Variants in HNRNPA1L2 observed in about 807,000 individuals in gnomAD.
HNRNPA1L2 encodes heterogeneous nuclear ribonucleoprotein A1-like 2.
Under a neutral mutation model 18.2 loss-of-function variants are expected in HNRNPA1L2, and 10 were observed. That is an observed-to-expected ratio of 0.55 (90% CI 0.34 to 0.93). The LOEUF (loss-of-function observed/expected upper bound fraction) is 0.93. Among genes scored for constraint, HNRNPA1L2 ranks in the 40% least tolerant of loss-of-function variants. The pLI, the probability that HNRNPA1L2 is intolerant of heterozygous loss-of-function variation, is 0.02. For synonymous variants in HNRNPA1L2, 124 were observed against 138.6 expected (o/e 0.89, Z 0.74); for missense variants, 308 against 394.4 (o/e 0.78, Z 1.85).
chr13:52,642,382 A>G, upstream of HNRNPA1L2: 1 of 1,383,298 alleles, frequency 7.2e-7, no homozygotes, highest in South Asian at 1.4e-5. Context: ...ATCAGCCAGA[A>G]TCTCATCCAA....
the HNRNPA1L2 span, among the ~76,000 whole-genome samples, chr13:52,628,143 C>T: frequency 2.6e-5 from 4 of 152,038 alleles, no homozygotes; most frequent in South Asian, 2.1e-4. Flanking sequence ...AGATGTATTT[C>T]GGGAAGTTAA....
the HNRNPA1L2 span, among the ~76,000 whole-genome samples, chr13:52,629,855 C>T: frequency 1.6e-3 from 250 of 152,222 alleles, no homozygotes; most frequent in African/African-American, 5.8e-3. Context: ...TTTAGAGGGC[C>T]GAGGCAGGCG....
At chr13:52,631,086 G>C in the HNRNPA1L2 span, among the ~76,000 whole-genome samples, 2,630 of 152,266 alleles carry the variant, frequency 0.017, 74 homozygotes, top group Admixed American at 0.08. Flanking sequence ...GGAAGCAATG[G>C]TGAGATGCCA....
At chr13:52,620,844 C>T in the HNRNPA1L2 span, among the ~76,000 whole-genome samples, 38 of 151,684 alleles carry the variant, frequency 2.5e-4, no homozygotes, top group African/African-American at 9.0e-4. Flanking sequence ...CGCCACTGCA[C>T]TCCAGCCTGT....
At chr13:52,621,277 G>A in the HNRNPA1L2 span, among the ~76,000 whole-genome samples, 1 of 152,124 alleles carries the variant, frequency 6.6e-6, no homozygotes, top group Non-Finnish European at 1.5e-5. Context: ...TATAGCCATC[G>A]ATTATTTTCT....
chr13:52,618,943 A>G, the HNRNPA1L2 span, among the ~76,000 whole-genome samples: 1 of 152,206 alleles, frequency 6.6e-6, no homozygotes, highest in Admixed American at 6.5e-5. Context: ...ACATTGTAGT[A>G]AAGATTATAT....
chr13:52,638,796 G>A (rs1290908854), upstream of HNRNPA1L2, among the ~76,000 whole-genome samples: 3 of 152,144 alleles, frequency 2.0e-5, no homozygotes, highest in Non-Finnish European at 4.4e-5. Flanking sequence ...CTTATTTACT[G>A]TGCTGCTTAA....
chr13:52,640,492 A>G (rs1202208371), upstream of HNRNPA1L2, among the ~76,000 whole-genome samples: 1 of 152,248 alleles, frequency 6.6e-6, no homozygotes, highest in Non-Finnish European at 1.5e-5. Flanking sequence ...ATCTTAATGT[A>G]CACTTGGAAG....
the HNRNPA1L2 span, among the ~76,000 whole-genome samples, chr13:52,623,183 A>G: frequency 0.015 from 2,342 of 152,328 alleles, 60 homozygotes; most frequent in African/African-American, 0.053. Context: ...TAACACAAAC[A>G]TATAAATACA....
At chr13:52,638,550 ATTC>A (rs1174268961), upstream of HNRNPA1L2, among the ~76,000 whole-genome samples, 1 of 152,206 alleles carries the variant, frequency 6.6e-6, no homozygotes, top group East Asian at 1.9e-4. Flanking sequence ...TCTTACCACT[ATTC>A]TTAAAATTTC....
At chr13:52,641,355 T>G (rs1190507049), upstream of HNRNPA1L2, 1 of 152,258 alleles carries the variant, frequency 6.6e-6, no homozygotes, top group East Asian at 1.9e-4. Context: ...ATTTCCATAT[T>G]GCTGAATCCC....
chr13:52,630,598 C>G, the HNRNPA1L2 span, among the ~76,000 whole-genome samples: 2 of 152,118 alleles, frequency 1.3e-5, no homozygotes, highest in East Asian at 1.9e-4. Flanking sequence ...AGGATATGCT[C>G]ACAGTTGGAG....
At position 52,643,008 on chromosome 13, in the gene HNRNPA1L2, C is replaced by A. The variant is rs772508732; in HGVS notation, c.516C>A (p.Gly172=). ...IVIQKYHTVK[G]HNCEVRKALP... ...TTCAGAAATACCATACTGTGAAGGG[C>A]CACAACTGTGAAGTTAGAAAAGCCC... is the stretch of plus-strand genomic sequence containing the variant. Residue 172 remains glycine (G), a synonymous_variant, in exon 1 of 1, where the codon GGC becomes GGA. Transcript: ENST00000357495. 1.9e-6 allele frequency: 3 copies of A among 1,597,514 alleles called. No individual in the cohort carries two copies. The highest frequency in any genetic ancestry group is 1.7e-6 in the Non-Finnish European group (2 of 1,179,798).
At chr13:52,639,066 A>C (rs1226282415), upstream of HNRNPA1L2, among the ~76,000 whole-genome samples, 1 of 152,214 alleles carries the variant, frequency 6.6e-6, no homozygotes, top group Non-Finnish European at 1.5e-5. Flanking sequence ...GGAGCACTTC[A>C]CATGCAGACG....
chr13:52,633,302 G>A, the HNRNPA1L2 span, among the ~76,000 whole-genome samples: 6 of 152,272 alleles, frequency 3.9e-5, no homozygotes, highest in South Asian at 6.2e-4. Context: ...GAACATTCAA[G>A]GAATATATTT....
chr13:52,617,597 C>T, the HNRNPA1L2 span: 1 of 469,482 alleles, frequency 2.1e-6, no homozygotes, highest in South Asian at 6.5e-5. Flanking sequence ...TCTTCGCACC[C>T]TTTCCTGCCA....
At chr13:52,619,574 A>G in the HNRNPA1L2 span, among the ~76,000 whole-genome samples, 10 of 152,012 alleles carry the variant, frequency 6.6e-5, no homozygotes, top group East Asian at 1.9e-4. Context: ...CGGCCTCCCA[A>G]AATGCTGGGA....
At chr13:52,619,785 G>T in the HNRNPA1L2 span, among the ~76,000 whole-genome samples, 1 of 151,924 alleles carries the variant, frequency 6.6e-6, no homozygotes, top group African/African-American at 2.4e-5. Flanking sequence ...GCCGGGCGTG[G>T]TGGCGGGCAC....
At chr13:52,624,107 ATTTTG>A in the HNRNPA1L2 span, among the ~76,000 whole-genome samples, 2 of 151,906 alleles carry the variant, frequency 1.3e-5, no homozygotes, top group African/African-American at 4.8e-5. Context: ...AGGAAGTTGT[ATTTTG>A]TTTTGTTTTG....
Sources: allele counts gnomAD v4.1 joint callset (sites outside exome capture counted in the v4.1 genomes callset), GRCh38; gene constraint gnomAD v4.1.1; transcripts MANE v1.5; gene names NCBI Gene and HGNC (gene_info 2026-07-23, HGNC 2026-07-21).